Variants in NEK11 observed in about 807,000 individuals in gnomAD.
NEK11 encodes the protein NIMA related kinase 11, also known as serine/threonine-protein kinase Nek11.
In NEK11, 72 loss-of-function variants were observed where a neutral mutation model predicts 80.7. That is an observed-to-expected ratio of 0.89 (90% CI 0.74 to 1.08). The LOEUF (loss-of-function observed/expected upper bound fraction) is 1.08. Among genes scored for constraint, NEK11 ranks in the 50% least tolerant of loss-of-function variants. The pLI, the probability that NEK11 is intolerant of heterozygous loss-of-function variation, is 0.00. For missense variants in NEK11, 764 were observed against 763.6 expected (o/e 1.00, Z -0.01); for synonymous variants, 251 against 260.7 (o/e 0.96, Z 0.36).
intron 14 of NEK11, among the ~76,000 whole-genome samples, chr3:131,212,117 C>G (rs1214348915): frequency 6.6e-6 from 1 of 152,180 alleles, no homozygotes; most frequent in East Asian, 1.9e-4. Context: ...TACCTTTGAT[C>G]TTTGATGATG....
At chr3:131,212,106 C>T (rs1317846002) in intron 14 of NEK11, among the ~76,000 whole-genome samples, 1 of 152,192 alleles carries the variant, frequency 6.6e-6, no homozygotes, top group East Asian at 1.9e-4. Context: ...GTGGTTTTAT[C>T]TACCTTTGAT....
At chr3:131,260,229 G>T (rs1034434079) in intron 16 of NEK11, among the ~76,000 whole-genome samples, 1 of 151,884 alleles carries the variant, frequency 6.6e-6, no homozygotes, top group East Asian at 1.9e-4. Context: ...CTCGTTATTT[G>T]GTTGTGGCAC....
intron 5 of NEK11, among the ~76,000 whole-genome samples, chr3:131,114,474 A>G (rs2080699860): frequency 6.6e-6 from 1 of 152,176 alleles, no homozygotes; most frequent in Non-Finnish European, 1.5e-5. Context: ...TCTGCTCTAC[A>G]TGTCTTCATT....
At chr3:131,058,964 A>G (rs1444016727) in intron 3 of NEK11, among the ~76,000 whole-genome samples, 2 of 152,200 alleles carry the variant, frequency 1.3e-5, no homozygotes, top group Non-Finnish European at 2.9e-5. Context: ...TTCTTTTGAA[A>G]AAATTAAGTA....
At chr3:131,058,500 T>C (rs13094722) in intron 3 of NEK11, among the ~76,000 whole-genome samples, 25,055 of 152,060 alleles carry the variant, frequency 0.16, 2,175 homozygotes, top group Middle Eastern at 0.2. Flanking sequence ...CAGATTAGAG[T>C]TGCTTGGACA....
intron 15 of NEK11, among the ~76,000 whole-genome samples, 177 bp downstream of exon 15, chr3:131,228,865 G>A (rs1377140982): frequency 6.6e-6 from 1 of 152,072 alleles, no homozygotes; most frequent in Non-Finnish European, 1.5e-5. Flanking sequence ...GGGCCCTATG[G>A]AATTTGGAGA....
intron 3 of NEK11, among the ~76,000 whole-genome samples, chr3:131,046,703 G>A (rs111618605): frequency 0.014 from 2,067 of 152,090 alleles, 44 homozygotes; most frequent in African/African-American, 0.048. Context: ...TTTACATTAG[G>A]TATTTCTCAC....
chr3:131,229,281 A>G (rs1043845357), intron 15 of NEK11, among the ~76,000 whole-genome samples: 1 of 152,092 alleles, frequency 6.6e-6, no homozygotes, highest in Non-Finnish European at 1.5e-5. Context: ...TAAGCCTTAT[A>G]TGGGCCATAG....
At chr3:131,053,994 C>T (rs1007996283) in intron 3 of NEK11, among the ~76,000 whole-genome samples, 1 of 152,238 alleles carries the variant, frequency 6.6e-6, no homozygotes, top group South Asian at 2.1e-4. Flanking sequence ...TGGTGAACAT[C>T]TTTCCAAGCT....
chr3:131,245,565 T>A (rs910343925), intron 16 of NEK11, among the ~76,000 whole-genome samples: 5 of 152,158 alleles, frequency 3.3e-5, no homozygotes, highest in African/African-American at 7.2e-5. Flanking sequence ...ACCAAAATAC[T>A]GTATAAATGT....
intron 16 of NEK11, among the ~76,000 whole-genome samples, chr3:131,260,267 G>A (rs1581039309): frequency 6.6e-6 from 1 of 152,148 alleles, no homozygotes; most frequent in East Asian, 1.9e-4. Context: ...GCACTCATTT[G>A]GGAGTCAGGA....
rs571969995 is a variant in NEK11 at position 131,202,488 on chromosome 3, C to T, written c.1400-26040C>T. Among the ~76,000 whole-genome samples the T allele has an allele frequency of 2.0e-5, 3 of 152,298 alleles. No homozygotes were observed. The East Asian group carries it at 5.8e-4, about 29-fold the overall frequency. On this transcript the variant is annotated intron_variant, in intron 14 of 17. Transcript: ENST00000383366. The stretch of plus-strand genomic sequence containing the variant: ...GGTCCCACGCCCATGGAGCCTTCCT[C>T]ACTGCTAGTCCAAGATCAAACTGCG...
chr3:131,115,974 C>CTT (rs1162074423), intron 5 of NEK11, among the ~76,000 whole-genome samples: 1 of 127,522 alleles, frequency 7.8e-6, no homozygotes, highest in East Asian at 2.3e-4. Flanking sequence ...TTCTTTCTTT[C>CTT]TTTCTTTCTT....
chr3:131,341,025 G>A (rs576149116), intron 17 of NEK11, among the ~76,000 whole-genome samples: 22 of 152,200 alleles, frequency 1.4e-4, no homozygotes, highest in Admixed American at 1.2e-3. Flanking sequence ...TTTGAAAAAG[G>A]AAACATAGGA....
chr3:131,027,412 G>C (rs924627611), intron 1 of NEK11: 8 of 151,670 alleles, frequency 5.3e-5, no homozygotes, highest in African/African-American at 1.9e-4. Context: ...CACCGAGAAC[G>C]GGTAGTTTGC....
At chr3:131,115,926 C>CT (rs1192715070) in intron 5 of NEK11, among the ~76,000 whole-genome samples, 1 of 105,666 alleles carries the variant, frequency 9.5e-6, no homozygotes, top group Non-Finnish European at 2.0e-5. Context: ...TTCTTTCTTT[C>CT]TTTCTTTCTT....
intron 17 of NEK11, among the ~76,000 whole-genome samples, chr3:131,332,806 A>T (rs985730353): frequency 1.3e-4 from 20 of 152,252 alleles, no homozygotes; most frequent in Non-Finnish European, 2.9e-4. Flanking sequence ...AGGCTCGAGA[A>T]CTGCGTGAAG....
chr3:131,173,846 T>C (rs991867705), intron 14 of NEK11, among the ~76,000 whole-genome samples: 2 of 152,186 alleles, frequency 1.3e-5, no homozygotes, highest in African/African-American at 4.8e-5. Flanking sequence ...GACAGTGTGT[T>C]GATTTACCAG....
intron 14 of NEK11, among the ~76,000 whole-genome samples, chr3:131,181,752 A>AG (rs2093366384): frequency 6.6e-6 from 1 of 150,546 alleles, no homozygotes; most frequent in Admixed American, 6.6e-5. Context: ...CCTCAAAAAA[A>AG]AAAAAAAAAA....
Sources: gnomAD v4.1 joint callset for allele counts (sites outside exome capture counted in the v4.1 genomes callset) on GRCh38, gnomAD v4.1.1 for gene constraint, MANE v1.5 for transcripts, NCBI Gene and HGNC (gene_info 2026-07-23, HGNC 2026-07-21) for gene names.